The following DENND2B variants were observed in gnomAD, a reference collection of about 807,000 sequenced individuals.
The protein encoded by DENND2B is DENN domain containing 2B.
DENND2B carries 32 observed loss-of-function variants against 116.0 expected under a neutral mutation model. The observed-to-expected ratio is 0.28, with a 90% CI of 0.21 to 0.37. DENND2B has a LOEUF of 0.37. DENND2B is among the 10% of genes least tolerant of loss of function. The probability of loss-of-function intolerance (pLI) is 1.00; values close to 1 mark genes in which losing one functional copy is unlikely to be tolerated. For missense variants in DENND2B, 1,276 were observed against 1,477.7 expected (o/e 0.86, Z 2.24); for synonymous variants, 588 against 583.9 (o/e 1.01, Z -0.10).
In DENND2B at chr11:8,697,477, C is replaced by G. The variant is rs142249263; in HGVS notation, c.3052+48G>C. On this transcript the variant is annotated intron_variant, in intron 17 of 19. Transcript: ENST00000313726. ...GGCCCTATGGGGCCCTGACCCAGAG[C>G]AGAGGGAGCCTGGAGCAGAGCTGAC... 9 of 1,477,760 alleles carry G rather than the reference C, an allele frequency of 6.1e-6. No homozygotes were observed. The African/African-American group carries it at 1.1e-4, about 18-fold the overall frequency. The allele number at this position is 1,477,760 out of a possible 1,614,324, so 91.5% of individuals were successfully genotyped here.
intron 2 of DENND2B, among the ~76,000 whole-genome samples, chr11:8,740,981 T>C (rs769525555): frequency 6.6e-5 from 10 of 152,174 alleles, no homozygotes; most frequent in Non-Finnish European, 1.0e-4. Flanking sequence ...TAACAAGACA[T>C]AGACATCCCA....
chr11:8,712,767 C>G lies in DENND2B; in HGVS notation c.1988-32G>C, dbSNP rs753615283. The G allele has an allele frequency of 6.3e-7, 1 of 1,583,938 alleles. No homozygotes were observed. The highest frequency in any genetic ancestry group is 1.7e-5 in the Admixed American group (1 of 57,588). ...GCAGGTTGCACATCAGGGAATGGAC[C>G]CTCACAGGCCTCATGTTAACTCCTC... On this transcript the variant is annotated intron_variant, in intron 8 of 19. Transcript: ENST00000313726. The surrounding 1 kb of genome is among the most constrained non-coding windows in gnomAD (Gnocchi z 4.4).
intron 1 of DENND2B, among the ~76,000 whole-genome samples, chr11:8,904,519 G>A (rs2064210982): frequency 6.6e-6 from 1 of 152,158 alleles, no homozygotes; most frequent in African/African-American, 2.4e-5. Flanking sequence ...TGGGAACAAG[G>A]CAAAGATGTT....
chr11:8,731,036 G>C lies in DENND2B; in HGVS notation c.254C>G (p.Pro85Arg). ...PSPQNPQDPS[P>R]DTSPPTCPFK... ...GGGACAGGTGGGTGGGGAAGTATCT[G>C]GGGAGGGATCTTGAGGATTCTGGGG... The change falls in exon 3 of 20, where the codon CCA becomes CGA. Residue 85 changes from proline to arginine, a missense_variant. Transcript: ENST00000313726. 1.2e-6 allele frequency: 2 copies of C among 1,614,140 alleles called. No individual in the cohort carries two copies. Among genetic ancestry groups the C allele is most frequent in the Non-Finnish European group, 1.7e-6 (2 of 1,180,018 alleles).
At chr11:8,884,054 T>C (rs1162024616) in intron 1 of DENND2B, among the ~76,000 whole-genome samples, 2 of 152,220 alleles carry the variant, frequency 1.3e-5, no homozygotes, top group Non-Finnish European at 1.5e-5. Flanking sequence ...TTTTCCTCTA[T>C]AGAGATACAG....
chr11:8,888,141 G>C (rs1196628230), intron 1 of DENND2B, among the ~76,000 whole-genome samples: 2 of 152,208 alleles, frequency 1.3e-5, no homozygotes, highest in African/African-American at 4.8e-5. Flanking sequence ...GTGACTTCCA[G>C]GAAAAGGCTT....
At chr11:8,874,259 A>G (rs1020836429), upstream of DENND2B, among the ~76,000 whole-genome samples, 6 of 152,226 alleles carry the variant, frequency 3.9e-5, no homozygotes, top group African/African-American at 1.4e-4. Context: ...GAGAAGTACA[A>G]TATGCCCTGA....
intron 2 of DENND2B, among the ~76,000 whole-genome samples, chr11:8,744,102 T>C (rs2050765420): frequency 6.6e-6 from 1 of 151,874 alleles, no homozygotes; most frequent in African/African-American, 2.4e-5. Context: ...TTATAATGGA[T>C]TATAAAATGA....
chr11:8,778,604 G>T lies in DENND2B; in HGVS notation c.-25-27879C>A, dbSNP rs36021069. 2.5e-3 allele frequency among the ~76,000 whole-genome samples: 386 copies of T among 152,340 alleles called. 3 individuals carry two copies. The highest frequency in any genetic ancestry group is 8.9e-3 in the African/African-American group (368 of 41,570). On this transcript the variant is annotated intron_variant, in intron 1 of 19. Transcript: ENST00000313726. ...CCCGCCTGCTTCCAGCTCAGGGAAG[G>T]GCTGGTAAATGATCCCTCCAGCTCC...
chr11:8,801,688 A>AG (rs1319421887), intron 1 of DENND2B, among the ~76,000 whole-genome samples: 4 of 88,632 alleles, frequency 4.5e-5, no homozygotes, highest in South Asian at 5.3e-4. Context: ...AAAAAAAAAA[A>AG]AAAAGAAAGA....
chr11:8,874,322 G>T (rs964796251), upstream of DENND2B, among the ~76,000 whole-genome samples: 4 of 152,160 alleles, frequency 2.6e-5, no homozygotes, highest in Admixed American at 2.6e-4. Context: ...GTAGCTAAGG[G>T]TCTGTTTAAT....
intron 3 of DENND2B, among the ~76,000 whole-genome samples, chr11:8,848,894 A>G (rs1344595562): frequency 6.6e-6 from 1 of 151,634 alleles, no homozygotes; most frequent in Non-Finnish European, 1.5e-5. Context: ...GGCCTCAAGA[A>G]AAAAAAAACA....
In DENND2B at chr11:8,840,534, A is replaced by G. The variant is rs2062588924; in HGVS notation, c.-155-1184T>C. Among the ~76,000 whole-genome samples the G allele has an allele frequency of 2.0e-5, 3 of 152,266 alleles. No individual in the cohort carries two copies. In the South Asian group the frequency reaches 6.2e-4, roughly 32 times the overall value. On this transcript the variant is annotated intron_variant, in intron 3 of 6. Coordinates refer to the DENND2B transcript ENST00000524757. ...ATGAACAGCTGCCCTGGAGAAAACA[A>G]TGGGGCCTTTGTCTGTGCCTTCTCC...
chr11:8,695,903 T>G (rs2040271488), intron 18 of DENND2B: 1 of 325,440 alleles, frequency 3.1e-6, no homozygotes, highest in Non-Finnish European at 5.7e-6. Context: ...ATGGATAGTA[T>G]TAGAGGACAG....
intron 4 of DENND2B, among the ~76,000 whole-genome samples, chr11:8,834,299 G>C (rs1459458851): frequency 6.6e-6 from 1 of 152,200 alleles, no homozygotes; most frequent in Non-Finnish European, 1.5e-5. Context: ...TAGATTAGCA[G>C]CATATGCGTC....
intron 8 of DENND2B, among the ~76,000 whole-genome samples, chr11:8,713,030 ACT>A (rs1294172751): frequency 6.6e-6 from 1 of 152,060 alleles, no homozygotes; most frequent in Non-Finnish European, 1.5e-5. Context: ...CTTGGCACCC[ACT>A]CTGTCCCTGT....
chr11:8,852,595 T>C (rs932695908), intron 3 of DENND2B, among the ~76,000 whole-genome samples: 2 of 152,252 alleles, frequency 1.3e-5, no homozygotes, highest in African/African-American at 4.8e-5. Flanking sequence ...ATGCCAGAAA[T>C]GCTCCACATC....
chr11:8,774,133 G>A (rs2057308216), intron 1 of DENND2B: 1 of 985,364 alleles, frequency 1.0e-6, no homozygotes, highest in Non-Finnish European at 1.2e-6. Flanking sequence ...ACTGCTAAAA[G>A]TGCTTTCTTT....
chr11:8,751,435 G>A (rs1376474204), intron 1 of DENND2B, among the ~76,000 whole-genome samples: 1 of 152,162 alleles, frequency 6.6e-6, no homozygotes, highest in Non-Finnish European at 1.5e-5. Context: ...CTTCCACACT[G>A]TGGAAGCTTT....
Sources: gnomAD v4.1 joint callset for allele counts (sites outside exome capture counted in the v4.1 genomes callset) on GRCh38, gnomAD v4.1.1 for gene constraint, Gnocchi (gnomAD v3.1) non-coding constraint, MANE v1.5 for transcripts, NCBI Gene and HGNC (gene_info 2026-07-23, HGNC 2026-07-21) for gene names.